The following IGSF10 variants were observed in gnomAD, a reference collection of about 807,000 sequenced individuals.
IGSF10 encodes the protein calvaria mechanical force protein 608.
A neutral mutation model predicts 128.2 loss-of-function variants in IGSF10; 126 were observed. The observed-to-expected ratio is 0.98, with a 90% CI of 0.85 to 1.14. The LOEUF (loss-of-function observed/expected upper bound fraction) is 1.14. Ranked by LOEUF, IGSF10 falls within the 50% of genes most tolerant of loss-of-function variation. IGSF10 has a pLI of 0.00. For synonymous variants in IGSF10, 1,185 were observed against 1,146.2 expected (o/e 1.03, Z -0.68); for missense variants, 3,295 against 3,149.8 (o/e 1.05, Z -1.10).
At chr3:151,600,550 G>C in the IGSF10 span, among the ~76,000 whole-genome samples, 3 of 152,086 alleles carry the variant, frequency 2.0e-5, no homozygotes, top group Admixed American at 2.0e-4. Flanking sequence ...CCAATGCATG[G>C]CTGCTGCAAA....
chr3:151,432,652 G>GCAGAA, downstream of IGSF10: 1 of 857,098 alleles, frequency 1.2e-6, no homozygotes, highest in Non-Finnish European at 1.9e-6. Flanking sequence ...CTGTTTCCCT[G>GCAGAA]TACCTGCAGC....
At chr3:151,490,305 G>C in the IGSF10 span, among the ~76,000 whole-genome samples, 3 of 152,130 alleles carry the variant, frequency 2.0e-5, no homozygotes, top group Non-Finnish European at 4.4e-5. Flanking sequence ...TAATGATAAA[G>C]AGGTCAATTC....
Position 151,457,092 on chromosome 3 carries a change from G to C in IGSF10, c.258C>G (p.Leu86=). Residue 86 remains leucine (L), a synonymous_variant, in exon 4 of 8, where the codon CTC becomes CTG. Transcript: ENST00000282466. ...DFSGLTKLEL[L]MLHSNGIHTI... ...TGTGAATGCCATTGCTGTGAAGCAT[G>C]AGTAACTCCAGTTTGGTCAGGCCAG... The C allele has an allele frequency of 6.2e-7, 1 of 1,614,008 alleles. No homozygotes were observed. The highest frequency in any genetic ancestry group is 8.5e-7 in the Non-Finnish European group (1 of 1,179,838).
At chr3:151,588,440 T>A in the IGSF10 span, among the ~76,000 whole-genome samples, 1 of 152,164 alleles carries the variant, frequency 6.6e-6, no homozygotes, top group East Asian at 1.9e-4. Context: ...TGATACTTAT[T>A]TTTTTCCCTA....
chr3:151,453,409 C>T lies in IGSF10; in HGVS notation c.690G>A (p.Leu230=), dbSNP rs768121461. ...PWTCDCHLKW[L]SDWIQEKPDV... ...CTGGCTTCTCCTGTATCCAGTCAGA[C>T]AACCACTTTAAATGGCAATCACAGG... is the stretch of plus-strand genomic sequence containing the variant. The change falls in exon 5 of 8, where the codon TTG becomes TTA. Residue 230 remains leucine, a synonymous_variant. Transcript: ENST00000282466. The T allele has an allele frequency of 1.3e-5, 21 of 1,603,530 alleles. No individual in the cohort carries two copies. The East Asian group carries it at 4.5e-4, about 34-fold the overall frequency.
At chr3:151,505,674 C>T in the IGSF10 span, among the ~76,000 whole-genome samples, 1 of 152,186 alleles carries the variant, frequency 6.6e-6, no homozygotes, top group Non-Finnish European at 1.5e-5. Context: ...ATGAACAACA[C>T]TGCACTGAAT....
At chr3:151,602,803 G>C in the IGSF10 span, among the ~76,000 whole-genome samples, 1 of 152,180 alleles carries the variant, frequency 6.6e-6, no homozygotes, top group South Asian at 2.1e-4. Flanking sequence ...AAGATGACAA[G>C]ATAACTGAAG....
At chr3:151,478,999 C>T in the IGSF10 span, among the ~76,000 whole-genome samples, 10 of 152,170 alleles carry the variant, frequency 6.6e-5, no homozygotes, top group Non-Finnish European at 1.3e-4. Context: ...CCTACACTCT[C>T]AGGTAAATAG....
chr3:151,559,366 T>C, the IGSF10 span, among the ~76,000 whole-genome samples: 1 of 152,162 alleles, frequency 6.6e-6, no homozygotes, highest in East Asian at 1.9e-4. Context: ...ATTTGATTAC[T>C]GAGAGAGTTT....
the IGSF10 span, among the ~76,000 whole-genome samples, chr3:151,498,658 A>G: frequency 5.3e-5 from 8 of 152,198 alleles, no homozygotes; most frequent in Non-Finnish European, 1.2e-4. Context: ...AGATAAAGTT[A>G]TACAAGTAGA....
At chr3:151,574,657 T>C in the IGSF10 span, among the ~76,000 whole-genome samples, 2 of 152,228 alleles carry the variant, frequency 1.3e-5, no homozygotes, top group Admixed American at 6.5e-5. Context: ...TTGTGATGGG[T>C]TCGAACATCC....
At chr3:151,516,441 GTGAAGGATTT>G in the IGSF10 span, among the ~76,000 whole-genome samples, 1 of 152,036 alleles carries the variant, frequency 6.6e-6, no homozygotes, top group Non-Finnish European at 1.5e-5. Context: ...ACTTTAACCT[GTGAAGGATTT>G]TGCAGCCAGC....
At chr3:151,493,416 C>T in the IGSF10 span, among the ~76,000 whole-genome samples, 1 of 152,088 alleles carries the variant, frequency 6.6e-6, no homozygotes, top group Non-Finnish European at 1.5e-5. Flanking sequence ...TACCAGGTCC[C>T]ACAAGATTTT....
the IGSF10 span, among the ~76,000 whole-genome samples, chr3:151,563,342 T>A: frequency 6.6e-6 from 1 of 152,188 alleles, no homozygotes; most frequent in African/African-American, 2.4e-5. Context: ...CTAACTAGAA[T>A]AACAAAATAA....
the IGSF10 span, among the ~76,000 whole-genome samples, chr3:151,551,398 T>G: frequency 2.0e-5 from 3 of 152,246 alleles, no homozygotes; most frequent in Non-Finnish European, 4.4e-5. Flanking sequence ...AGAATCTATG[T>G]ACACAAAAAG....
the IGSF10 span, among the ~76,000 whole-genome samples, chr3:151,511,199 A>G: frequency 6.6e-6 from 1 of 152,218 alleles, no homozygotes; most frequent in East Asian, 1.9e-4. Flanking sequence ...AAAAAATGTT[A>G]AGGGCAGCCA....
the IGSF10 span, among the ~76,000 whole-genome samples, chr3:151,610,025 A>G: frequency 6.6e-6 from 1 of 152,206 alleles, no homozygotes; most frequent in Admixed American, 6.5e-5. Flanking sequence ...CTTTTAAAAT[A>G]AAAGAACACT....
At chr3:151,476,149 A>G in the IGSF10 span, 2 of 152,138 alleles carry the variant, frequency 1.3e-5, no homozygotes, top group East Asian at 3.9e-4. Context: ...GATATCACCT[A>G]TTTTACTGCT....
At position 151,437,631 on chromosome 3, in the gene IGSF10, G is replaced by A; in HGVS notation, c.6930C>T (p.Asp2310=). 6.2e-7 allele frequency: 1 copy of A among 1,614,156 alleles called. No individual in the cohort carries two copies. The change falls in exon 8 of 8, where the codon GAC becomes GAT. Residue 2310 remains aspartate, a synonymous_variant. Transcript: ENST00000282466. The stretch of plus-strand genomic sequence containing the variant: ...CTTCATTTCGGGCCACACAGATAAA[G>A]TCGGCTGAATCTGAAAGCCTCACAT... The part of the protein sequence containing the change: ...IRNVRLSDSA[D]FICVARNEGG...
Sources: gnomAD v4.1 joint callset for allele counts (sites outside exome capture counted in the v4.1 genomes callset) on GRCh38, gnomAD v4.1.1 for gene constraint, MANE v1.5 for transcripts, NCBI Gene and HGNC (gene_info 2026-07-23, HGNC 2026-07-21) for gene names.